The following TRERF1 variants were observed in gnomAD, a reference collection of about 807,000 sequenced individuals.
TRERF1 encodes transcriptional regulating factor 1.
A neutral mutation model predicts 122.9 loss-of-function variants in TRERF1; 27 were observed. The observed-to-expected ratio is 0.22, with a 90% CI of 0.16 to 0.30. The LOEUF is 0.30. TRERF1 is among the 10% of genes least tolerant of loss of function. The pLI is 1.00. For synonymous variants in TRERF1, 636 were observed against 641.7 expected, an observed-to-expected ratio of 0.99 and a Z score of 0.13; for missense variants, 1,248 against 1,560.3, an observed-to-expected ratio of 0.80 and a Z score of 3.37.
chr6:42,295,712 AT>A (rs60109926), intron 4 of TRERF1, among the ~76,000 whole-genome samples: 1 of 151,750 alleles, frequency 6.6e-6, no homozygotes, highest in Non-Finnish European at 1.5e-5. Flanking sequence ...GACTTTATGC[AT>A]TTTTTTTGGT....
At chr6:42,260,485 A>AAACATATAAGTAACATATAAGTAACAT (rs1249884417) in intron 8 of TRERF1, among the ~76,000 whole-genome samples, 5 of 152,238 alleles carry the variant, frequency 3.3e-5, no homozygotes, top group Non-Finnish European at 7.3e-5. Flanking sequence ...CATATATACT[A>AAACATATAAGTAACATATAAGTAACAT]ATAAGTAAAC....
intron 3 of TRERF1, among the ~76,000 whole-genome samples, chr6:42,330,993 A>T (rs957398491): frequency 1.3e-5 from 2 of 152,084 alleles, no homozygotes; most frequent in Non-Finnish European, 2.9e-5. Context: ...GTTTTTTTTA[A>T]CGGGGAAGCT....
intron 4 of TRERF1, among the ~76,000 whole-genome samples, chr6:42,279,918 A>G (rs1482182260): frequency 6.6e-6 from 1 of 152,000 alleles, no homozygotes; most frequent in Non-Finnish European, 1.5e-5. Flanking sequence ...TTTCTGGAAA[A>G]CAGCTCACAC....
chr6:42,430,072 A>G (rs974281497), intron 2 of TRERF1, among the ~76,000 whole-genome samples: 11 of 151,302 alleles, frequency 7.3e-5, no homozygotes, highest in Admixed American at 6.0e-4. Context: ...ATGGGGCTGG[A>G]GAGGAGGAAT....
intron 2 of TRERF1, among the ~76,000 whole-genome samples, chr6:42,424,745 T>C (rs1424160820): frequency 6.6e-6 from 1 of 152,212 alleles, no homozygotes; most frequent in African/African-American, 2.4e-5. Flanking sequence ...TCATTGTGAT[T>C]TGTATTCCCT....
chr6:42,251,636 T>C (rs769272840), intron 13 of TRERF1, among the ~76,000 whole-genome samples: 5 of 152,154 alleles, frequency 3.3e-5, no homozygotes, highest in Non-Finnish European at 5.9e-5. Flanking sequence ...TAAGGATGCC[T>C]GGAAAATGAA....
At chr6:42,446,150 G>C (rs534526561) in intron 2 of TRERF1, among the ~76,000 whole-genome samples, 1 of 152,326 alleles carries the variant, frequency 6.6e-6, no homozygotes, top group Admixed American at 6.5e-5. Flanking sequence ...CTGACCTCAG[G>C]CTATCCACCC....
At chr6:42,429,421 G>T (rs551173082) in intron 2 of TRERF1, among the ~76,000 whole-genome samples, 18 of 152,302 alleles carry the variant, frequency 1.2e-4, no homozygotes, top group African/African-American at 2.4e-4. Context: ...AACCACGGAG[G>T]GGGGGAAATG....
intron 3 of TRERF1, among the ~76,000 whole-genome samples, chr6:42,313,564 G>A (rs554318093): frequency 7.9e-5 from 12 of 152,144 alleles, no homozygotes; most frequent in East Asian, 3.9e-4. Context: ...AACGCTTACC[G>A]GGATGCAAAC....
rs1357059912 is a variant in TRERF1 at position 42,241,138 on chromosome 6, C to A, written c.2859+2110G>T. The stretch of plus-strand genomic sequence containing the variant: ...TGACCTCGTGATCCACCTACCTTGG[C>A]CTCCCAAAGTGCTGGGATTACAGGT... On this transcript the variant is annotated intron_variant, in intron 15 of 17. Transcript: ENST00000372922. Among the ~76,000 whole-genome samples the A allele has an allele frequency of 2.6e-5, 4 of 152,122 alleles. No homozygotes were observed. In the East Asian group the frequency reaches 7.7e-4, roughly 29 times the overall value.
exon 18 of TRERF1, chr6:42,225,258 A>AC (rs1440631266): frequency 1.3e-5 from 2 of 151,110 alleles, no homozygotes; most frequent in African/African-American, 4.9e-5. Context: ...AGTCTATAAA[A>AC]CATCTTTATT....
chr6:42,246,965 T>C (rs2149630182), intron 13 of TRERF1, among the ~76,000 whole-genome samples: 1 of 152,344 alleles, frequency 6.6e-6, no homozygotes, highest in East Asian at 1.9e-4. Flanking sequence ...GCAAGTACCC[T>C]TCAGGGTGTG....
At chr6:42,415,168 T>C (rs1006037227) in intron 2 of TRERF1, among the ~76,000 whole-genome samples, 2 of 152,224 alleles carry the variant, frequency 1.3e-5, no homozygotes, top group African/African-American at 2.4e-5. Flanking sequence ...GGTCTTTTCA[T>C]ATATTTAAGA....
chr6:42,355,657 A>G (rs961046896), intron 3 of TRERF1, among the ~76,000 whole-genome samples: 1 of 152,230 alleles, frequency 6.6e-6, no homozygotes, highest in Non-Finnish European at 1.5e-5. Context: ...AGGCCTTTTT[A>G]TATCTTAAAA....
At chr6:42,430,975 G>C (rs1406942797) in intron 2 of TRERF1, among the ~76,000 whole-genome samples, 1 of 150,866 alleles carries the variant, frequency 6.6e-6, no homozygotes, top group Non-Finnish European at 1.5e-5. Flanking sequence ...CAGGAGAATG[G>C]CTTGAACCTG....
rs559257754 is a variant in TRERF1 at position 42,389,993 on chromosome 6, C to T, written c.-453-26914G>A. Among the ~76,000 whole-genome samples, 24 of 152,102 alleles carry T rather than the reference C, an allele frequency of 1.6e-4. No homozygotes were observed. In the South Asian group the frequency reaches 4.2e-3, roughly 27 times the overall value. On this transcript the variant is annotated intron_variant, in intron 2 of 17. Transcript: ENST00000372922. ...CCAACAGGAGGCATTTTAAGCTTGACGGGGTTTTGTTAAAGTTAATATACG... is the reference window on the plus strand; with the variant it reads ...CCAACAGGAGGCATTTTAAGCTTGATGGGGTTTTGTTAAAGTTAATATACG...
intron 2 of TRERF1, among the ~76,000 whole-genome samples, chr6:42,372,660 C>G (rs1773974512): frequency 6.6e-6 from 1 of 152,204 alleles, no homozygotes; most frequent in South Asian, 2.1e-4. Flanking sequence ...GACAACATCC[C>G]AAGGGATGGC....
In TRERF1 at chr6:42,268,294, T is replaced by C. The variant is rs149730667; in HGVS notation, c.1297A>G (p.Met433Val). ...AGATCTGAGCTCGCTGGGTCTCCCATTCCTGTGTCAGGAGGCCCCAGGTCC... is the reference window on the plus strand; with the variant it reads ...AGATCTGAGCTCGCTGGGTCTCCCACTCCTGTGTCAGGAGGCCCCAGGTCC... The change falls in exon 5 of 18, where the codon ATG becomes GTG. Residue 433 changes from methionine (M) to valine (V), a missense_variant. Met to Val is a conservative substitution (Grantham distance 21). Coordinates refer to ENST00000372922, the Ensembl canonical transcript of TRERF1. This position sits in a 1 kb window ranked among gnomAD's most constrained non-coding sequence, Gnocchi z 4.4. 85 of 1,513,642 alleles carry C rather than the reference T, an allele frequency of 5.6e-5. No individual in the cohort carries two copies. The African/African-American group carries it at 1.1e-3, about 20-fold the overall frequency. 93.8% of individuals were successfully genotyped at this position (1,513,642 alleles called of 1,614,324 possible).
At chr6:42,412,050 GA>G (rs1287337529) in intron 2 of TRERF1, among the ~76,000 whole-genome samples, 1 of 147,624 alleles carries the variant, frequency 6.8e-6, no homozygotes, top group African/African-American at 2.5e-5. Flanking sequence ...GCCCAGGCTG[GA>G]GTGCAATGGT....
Sources: allele counts gnomAD v4.1 joint callset (sites outside exome capture counted in the v4.1 genomes callset), GRCh38; gene constraint gnomAD v4.1.1; non-coding constraint Gnocchi (gnomAD v3.1); transcripts MANE v1.5; gene names NCBI Gene and HGNC (gene_info 2026-07-23, HGNC 2026-07-21).